The following BCAR1 variants were observed in gnomAD, a reference collection of about 807,000 sequenced individuals.
BCAR1 encodes BCAR1 scaffold protein, Cas family member.
BCAR1 carries 30 observed loss-of-function variants against 67.6 expected under a neutral mutation model. The ratio of observed to expected loss-of-function variants is 0.44; its 90% CI spans 0.33 to 0.60. The LOEUF (loss-of-function observed/expected upper bound fraction) is 0.60. BCAR1 is among the 20% of genes least tolerant of loss of function. BCAR1 has a pLI of 0.02. For missense variants in BCAR1, 1,313 were observed against 1,222.3 expected (o/e 1.07, Z -1.11); for synonymous variants, 626 against 556.7 (o/e 1.12, Z -1.75).
At chr16:75,253,656 A>G (rs2077721765), upstream of BCAR1, among the ~76,000 whole-genome samples, 1 of 152,180 alleles carries the variant, frequency 6.6e-6, no homozygotes, top group Non-Finnish European at 1.5e-5. Flanking sequence ...CCCTCCCCCA[A>G]AAGCCTGTGC....
intron 1 of BCAR1, among the ~76,000 whole-genome samples, chr16:75,261,611 G>A (rs1280780274): frequency 6.6e-6 from 1 of 152,240 alleles, no homozygotes; most frequent in Non-Finnish European, 1.5e-5. Flanking sequence ...GGGGCCAGCT[G>A]GTTGCCCCAA....
intron 1 of BCAR1, chr16:75,247,230 G>A (rs2077546445): frequency 1.3e-5 from 2 of 152,762 alleles, no homozygotes; most frequent in Admixed American, 1.3e-4. Flanking sequence ...TGCACCAGAG[G>A]AACCCAGGAA....
chr16:75,252,944 C>T (rs867571030), upstream of BCAR1, among the ~76,000 whole-genome samples: 1 of 152,208 alleles, frequency 6.6e-6, no homozygotes, highest in Admixed American at 6.5e-5. Context: ...TGTCCCACCC[C>T]TCCCAAAAAA....
intron 1 of BCAR1, among the ~76,000 whole-genome samples, chr16:75,262,399 C>T (rs137856211): frequency 5.3e-5 from 8 of 152,310 alleles, no homozygotes; most frequent in African/African-American, 1.4e-4. Context: ...CAATGGCAGA[C>T]GGCGCCGGGA....
intron 3 of BCAR1, 34 bp from the exon 4 acceptor site, chr16:75,237,032 A>T: frequency 6.4e-7 from 1 of 1,551,508 alleles, no homozygotes; most frequent in Non-Finnish European, 8.7e-7. Flanking sequence ...TAACGGCGCC[A>T]GGGCCACTTG....
Position 75,235,312 on chromosome 16 carries a change from A to C in BCAR1, c.1587T>G (p.Ala529=). ...GCAGGGCACGGTCAGATGTGTGGGC[A>C]GCATTGCCCACCGCGCTGCGGGCAA... ...LEFARSAVGN[A]AHTSDRALHA... Residue 529 remains alanine (A), a synonymous_variant, in exon 5 of 7, where the codon GCT becomes GCG. Transcript: ENST00000162330. 1.2e-6 allele frequency: 2 copies of C among 1,603,636 alleles called. No homozygotes were observed. Among genetic ancestry groups the C allele is most frequent in the Non-Finnish European group, 1.7e-6 (2 of 1,172,890 alleles).
At chr16:75,264,635 G>GGGATTAATTAATTAAA in intron 1 of BCAR1, 1 of 1,263,986 alleles carries the variant, frequency 7.9e-7, no homozygotes, top group Non-Finnish European at 9.9e-7. Context: ...GAGGCGAGCA[G>GGGATTAATTAATTAAA]GAGCGGGCTC....
intron 1 of BCAR1, among the ~76,000 whole-genome samples, chr16:75,245,629 C>T (rs1484400350): frequency 6.6e-6 from 1 of 152,248 alleles, no homozygotes; most frequent in Non-Finnish European, 1.5e-5. Context: ...AGTCTGGGGC[C>T]GCTGAAGCCA....
chr16:75,266,823 C>A, intron 1 of BCAR1: 1 of 1,319,546 alleles, frequency 7.6e-7, no homozygotes, highest in Non-Finnish European at 9.8e-7. Context: ...TCCCGGAGGT[C>A]AGCGCTGCCC....
chr16:75,248,976 C>G (rs1427585529), intron 1 of BCAR1: 2 of 152,450 alleles, frequency 1.3e-5, no homozygotes, highest in East Asian at 3.8e-4. Context: ...AAAGCACACC[C>G]CAGTCCTCAC....
intron 1 of BCAR1, chr16:75,250,966 C>G: frequency 1.0e-6 from 1 of 985,582 alleles, no homozygotes; most frequent in Non-Finnish European, 1.2e-6. Flanking sequence ...CCGGGTGCTC[C>G]GGCTGCGCAG....
rs775246016 is a variant in BCAR1 at position 75,234,981 on chromosome 16, G to T, written c.1918C>A (p.Pro640Thr). The T allele has an allele frequency of 7.5e-6, 12 of 1,605,720 alleles. No individual in the cohort carries two copies. The highest frequency in any genetic ancestry group is 1.0e-5 in the Non-Finnish European group (12 of 1,174,004). ...GAGTCCTGGGAGGTGAACTTAGGGGGTGAGGGCAGGGGTCGTGACTGGATG... is the reference window on the plus strand; with the variant it reads ...GAGTCCTGGGAGGTGAACTTAGGGGTTGAGGGCAGGGGTCGTGACTGGATG... ...SSIQSRPLPS[P>T]PKFTSQDSPD... Residue 640 changes from proline (P) to threonine (T), a missense_variant, in exon 5 of 7, where the codon CCC becomes ACC. Around this residue, in one of 2 missense-constraint regions of BCAR1, gnomAD observed 1,272 missense variants for 1,137.5 expected, o/e 1.12. Coordinates refer to ENST00000162330, the MANE Select transcript of BCAR1 (RefSeq NM_014567.5).
intron 4 of BCAR1, 82 bp downstream of exon 4, chr16:75,236,796 GCAGA>G (rs1311672886): frequency 1.3e-6 from 2 of 1,507,236 alleles, no homozygotes; most frequent in Non-Finnish European, 1.8e-6. Context: ...CCCCAGCCCT[GCAGA>G]CACTGGTCAG....
chr16:75,234,751 T>C, intron 5 of BCAR1, 138 bp downstream of exon 5: 2 of 1,310,202 alleles, frequency 1.5e-6, no homozygotes, highest in Non-Finnish European at 2.0e-6. Context: ...GGGGCCAATG[T>C]GGGGTGAGGG....
intron 1 of BCAR1, chr16:75,263,430 GCAGCACACGAGCACTGCA>G (rs1180305833): frequency 4.2e-5 from 41 of 985,256 alleles, no homozygotes; most frequent in Non-Finnish European, 4.8e-5. Flanking sequence ...GGGTGTCCAG[GCAGCACACGAGCACTGCA>G]CTGCTCTATG....
intron 1 of BCAR1, among the ~76,000 whole-genome samples, chr16:75,243,664 C>T (rs1022438788): frequency 6.6e-6 from 1 of 152,228 alleles, no homozygotes; most frequent in African/African-American, 2.4e-5. Context: ...CACACCCTCC[C>T]TGTCCTGGCC....
chr16:75,265,503 GC>G (rs1225526843), intron 1 of BCAR1, among the ~76,000 whole-genome samples: 6 of 151,522 alleles, frequency 4.0e-5, no homozygotes. Context: ...ACAGACTCCT[GC>G]CTGGCCCAGC....
At chr16:75,245,188 T>A (rs989062089) in intron 1 of BCAR1, among the ~76,000 whole-genome samples, 1 of 151,976 alleles carries the variant, frequency 6.6e-6, no homozygotes, top group Non-Finnish European at 1.5e-5. Flanking sequence ...CCAAATATGG[T>A]CTGCAGCCTG....
At chr16:75,252,233 ACCTTC>A, upstream of BCAR1, 1 of 1,536,520 alleles carries the variant, frequency 6.5e-7, no homozygotes, top group Non-Finnish European at 8.7e-7. Context: ...GGCAGCACCT[ACCTTC>A]CCCTGCATTG....
Sources: allele counts gnomAD v4.1 joint callset (sites outside exome capture counted in the v4.1 genomes callset), GRCh38; gene constraint gnomAD v4.1.1; regional missense constraint gnomAD v4.1.1; transcripts MANE v1.5; gene names NCBI Gene and HGNC (gene_info 2026-07-23, HGNC 2026-07-21).